Variants in PRKCE observed in about 807,000 individuals in gnomAD.
The protein encoded by PRKCE is protein kinase C epsilon, also known as protein kinase C epsilon type.
PRKCE carries 16 observed loss-of-function variants against 85.4 expected under a neutral mutation model. The ratio of observed to expected loss-of-function variants is 0.19; its 90% CI spans 0.13 to 0.28. The LOEUF (loss-of-function observed/expected upper bound fraction) is 0.28. Ranked by LOEUF, PRKCE falls within the 10% of genes least tolerant of loss-of-function variation. PRKCE has a pLI of 1.00. For synonymous variants in PRKCE, 388 were observed against 371.5 expected (o/e 1.04, Z -0.51); for missense variants, 573 against 975.2 (o/e 0.59, Z 5.49).
chr2:45,706,501 C>T (rs1679126749), intron 1 of PRKCE, among the ~76,000 whole-genome samples: 1 of 152,206 alleles, frequency 6.6e-6, no homozygotes, highest in Non-Finnish European at 1.5e-5. Context: ...CCAGTCTTGA[C>T]TGAGAGGTGT....
intron 2 of PRKCE, among the ~76,000 whole-genome samples, chr2:45,889,258 T>A (rs1026723574): frequency 6.6e-6 from 1 of 152,042 alleles, no homozygotes; most frequent in Non-Finnish European, 1.5e-5. Flanking sequence ...GTGAAATGTA[T>A]GGAGGGCGGG....
chr2:46,156,671 G>A (rs539010679), intron 13 of PRKCE, among the ~76,000 whole-genome samples: 1 of 152,232 alleles, frequency 6.6e-6, no homozygotes. Flanking sequence ...ACGTCACCCA[G>A]TGGGAAGGAG....
chr2:45,991,922 C>A (rs1416960462), intron 6 of PRKCE, among the ~76,000 whole-genome samples: 1 of 152,138 alleles, frequency 6.6e-6, no homozygotes, highest in Non-Finnish European at 1.5e-5. Context: ...TGAGAGGTGT[C>A]ATTTATGCCA....
chr2:45,820,332 G>C (rs561640495), intron 1 of PRKCE, among the ~76,000 whole-genome samples: 1 of 152,094 alleles, frequency 6.6e-6, no homozygotes, highest in African/African-American at 2.4e-5. Context: ...GACCTGCCTG[G>C]TGGGGAACTC....
chr2:45,807,959 C>G (rs1314613199), intron 1 of PRKCE, among the ~76,000 whole-genome samples: 1 of 151,976 alleles, frequency 6.6e-6, no homozygotes, highest in Non-Finnish European at 1.5e-5. Context: ...TATTTCTACT[C>G]TCCCTCCCTT....
At chr2:45,923,278 C>T (rs2103960068) in intron 2 of PRKCE, among the ~76,000 whole-genome samples, 1 of 152,302 alleles carries the variant, frequency 6.6e-6, no homozygotes, top group Non-Finnish European at 1.5e-5. Context: ...TATACCTCTT[C>T]TTGAGTTTTG....
rs1669634029 is a variant in PRKCE at position 46,086,305 on chromosome 2, A to G, written c.1535A>G (p.Tyr512Cys). The change falls in exon 11 of 15, where the codon TAT becomes TGT. Residue 512 changes from tyrosine (Y) to cysteine (C), a missense_variant. Tyr to Cys is a radical substitution (Grantham distance 194). Around this residue, in one of 11 missense-constraint regions of PRKCE, gnomAD observed 89 missense variants for 154.1 expected, o/e 0.58. Coordinates refer to ENST00000306156, the MANE Select transcript of PRKCE (RefSeq NM_005400.3). The part of the protein sequence containing the change: ...RKFDEPRSRF[Y>C]AAEVTSALMF... ...TTCGACGAGCCTCGTTCACGGTTCT[A>G]TGCTGCAGAGGTCACATCGGCCCTC... 3.1e-6 allele frequency: 5 copies of G among 1,599,678 alleles called. No individual in the cohort carries two copies. Among genetic ancestry groups the G allele is most frequent in the Non-Finnish European group, 3.4e-6 (4 of 1,179,930 alleles).
rs1439661865 is a variant in PRKCE, at chr2:46,139,513, C to T, written c.1593-5580C>T. ...AAACAACTGTGCTCTAAATAAGATA[C>T]AAGTTTCTTTCTTTTTCATATGAAA... On this transcript the variant is annotated intron_variant, in intron 11 of 14. Transcript: ENST00000306156. This position sits in a 1 kb window ranked among gnomAD's most constrained non-coding sequence, Gnocchi z 5.2. Among the ~76,000 whole-genome samples, 2 of 152,044 alleles carry T rather than the reference C, an allele frequency of 1.3e-5. No homozygotes were observed. Among genetic ancestry groups the T allele is most frequent in the Non-Finnish European group, 2.9e-5 (2 of 68,010 alleles).
At chr2:45,963,381 T>C (rs969464695) in intron 2 of PRKCE, among the ~76,000 whole-genome samples, 2 of 152,176 alleles carry the variant, frequency 1.3e-5, no homozygotes, top group Non-Finnish European at 2.9e-5. Flanking sequence ...TGATCTCGGC[T>C]CACTGCAACC....
chr2:46,047,089 G>C (rs1481450897), intron 10 of PRKCE, among the ~76,000 whole-genome samples: 1 of 152,158 alleles, frequency 6.6e-6, no homozygotes, highest in Non-Finnish European at 1.5e-5. Flanking sequence ...AAATGATTGA[G>C]GCAGGAATCC....
intron 1 of PRKCE, among the ~76,000 whole-genome samples, chr2:45,759,522 C>T (rs1406258109): frequency 6.6e-6 from 1 of 152,240 alleles, no homozygotes; most frequent in African/African-American, 2.4e-5. Flanking sequence ...TGAGCTCCTG[C>T]AGGAAGCAAG....
intron 2 of PRKCE, among the ~76,000 whole-genome samples, chr2:45,884,297 T>G (rs912514823): frequency 3.3e-5 from 5 of 152,198 alleles, no homozygotes; most frequent in African/African-American, 1.2e-4. Flanking sequence ...TACTGTTGAC[T>G]CACTTGTTGA....
At chr2:45,924,497 G>C (rs75359344) in intron 2 of PRKCE, among the ~76,000 whole-genome samples, 7,515 of 152,236 alleles carry the variant, frequency 0.049, 201 homozygotes, top group African/African-American at 0.07. Context: ...GAGAGGCTGG[G>C]AGTGCGGGCT....
At chr2:46,130,338 C>G (rs1006127507) in intron 11 of PRKCE, among the ~76,000 whole-genome samples, 3 of 151,670 alleles carry the variant, frequency 2.0e-5, no homozygotes, top group Non-Finnish European at 4.4e-5. Flanking sequence ...ATTAATCATA[C>G]TGTATACTTT....
At chr2:45,929,733 G>A (rs1297895275) in intron 2 of PRKCE, among the ~76,000 whole-genome samples, 1 of 151,644 alleles carries the variant, frequency 6.6e-6, no homozygotes, top group African/African-American at 2.4e-5. Flanking sequence ...CCACCCCCAG[G>A]ACCTCATATA....
At chr2:46,136,451 C>T (rs954996841) in intron 11 of PRKCE, among the ~76,000 whole-genome samples, 1 of 152,148 alleles carries the variant, frequency 6.6e-6, no homozygotes, top group African/African-American at 2.4e-5. Flanking sequence ...ATGATAAATT[C>T]AGATGAGATA....
At chr2:45,849,677 G>T (rs1470815573) in intron 2 of PRKCE, among the ~76,000 whole-genome samples, 2 of 152,054 alleles carry the variant, frequency 1.3e-5, no homozygotes, top group African/African-American at 4.8e-5. Flanking sequence ...AGACATGCAT[G>T]GACATGTCAA....
At chr2:45,682,829 T>TC (rs1429795392) in intron 1 of PRKCE, among the ~76,000 whole-genome samples, 1 of 152,258 alleles carries the variant, frequency 6.6e-6, no homozygotes, top group Non-Finnish European at 1.5e-5. Context: ...CACCTCAGCC[T>TC]CCCAAGGTGT....
intron 2 of PRKCE, among the ~76,000 whole-genome samples, chr2:45,854,484 T>C (rs1692523388): frequency 6.6e-6 from 1 of 152,162 alleles, no homozygotes; most frequent in African/African-American, 2.4e-5. Context: ...TGATGAGGTA[T>C]AGTGGGAGGA....
Sources: allele counts gnomAD v4.1 joint callset (sites outside exome capture counted in the v4.1 genomes callset), GRCh38; gene constraint gnomAD v4.1.1; regional missense constraint gnomAD v4.1.1; non-coding constraint Gnocchi (gnomAD v3.1); transcripts MANE v1.5; gene names NCBI Gene and HGNC (gene_info 2026-07-23, HGNC 2026-07-21).